Variants in TMEM178B observed in about 807,000 individuals in gnomAD.
The protein encoded by TMEM178B is transmembrane protein 178B.
In TMEM178B, 5 loss-of-function variants were observed where a neutral mutation model predicts 31.0. The observed-to-expected ratio is 0.16, with a 90% CI of 0.08 to 0.34. The LOEUF is 0.34. TMEM178B is among the 10% of genes least tolerant of loss of function. TMEM178B has a pLI of 1.00. For synonymous variants in TMEM178B, 164 were observed against 164.0 expected (o/e 1.00, Z 0.00); for missense variants, 275 against 400.3 (o/e 0.69, Z 2.67).
At chr7:141,188,784 A>G (rs1796652329) in intron 1 of TMEM178B, among the ~76,000 whole-genome samples, 1 of 152,236 alleles carries the variant, frequency 6.6e-6, no homozygotes, top group South Asian at 2.1e-4. Context: ...CAAAAATTAC[A>G]GGCTGCTTTG....
Position 141,279,324 on chromosome 7 carries a change from G to T in TMEM178B, c.496+66620G>T, listed in dbSNP as rs1798316111. On this transcript the variant is annotated intron_variant, in intron 2 of 3. Transcript: ENST00000565468. ...TTTCAGGTGCTTTTCATTTTTCTTTGGTATAAGAATGTTCTTTATTTTATG... is the reference window on the plus strand; with the variant it reads ...TTTCAGGTGCTTTTCATTTTTCTTTTGTATAAGAATGTTCTTTATTTTATG... Among the ~76,000 whole-genome samples, 3 of 152,098 alleles carry T rather than the reference G, an allele frequency of 2.0e-5. No individual in the cohort carries two copies. In the South Asian group the frequency reaches 6.2e-4, roughly 32 times the overall value.
intron 2 of TMEM178B, among the ~76,000 whole-genome samples, chr7:141,395,737 T>G (rs1800626037): frequency 6.6e-6 from 1 of 152,118 alleles, no homozygotes; most frequent in South Asian, 2.1e-4. Context: ...ATGTGCTTAT[T>G]TATACACATA....
At chr7:141,431,961 G>T (rs1801438264) in intron 2 of TMEM178B, among the ~76,000 whole-genome samples, 1 of 152,046 alleles carries the variant, frequency 6.6e-6, no homozygotes, top group Non-Finnish European at 1.5e-5. Context: ...AAGCAATCAG[G>T]ACTTACTCAA....
intron 1 of TMEM178B, among the ~76,000 whole-genome samples, chr7:141,105,315 C>T (rs953915363): frequency 6.6e-6 from 1 of 152,138 alleles, no homozygotes; most frequent in African/African-American, 2.4e-5. Flanking sequence ...CAAGACCAGC[C>T]TGGCCAACGT....
chr7:141,299,721 T>C (rs1019998654), intron 2 of TMEM178B, among the ~76,000 whole-genome samples: 2 of 152,186 alleles, frequency 1.3e-5, no homozygotes, highest in Admixed American at 1.3e-4. Flanking sequence ...CCTAGCCACA[T>C]ACTTATAGGC....
At position 141,318,677 on chromosome 7, in the gene TMEM178B, C is replaced by T. The variant is rs1189982014; in HGVS notation, c.496+105973C>T. On this transcript the variant is annotated intron_variant, in intron 2 of 3. Coordinates refer to ENST00000565468, the MANE Select transcript of TMEM178B (RefSeq NM_001195278.2). This position sits in a 1 kb window ranked among gnomAD's most constrained non-coding sequence, Gnocchi z 4.1. ...TACCAAGACACTTAGAATTTTGCTG[C>T]TTTAAGTCTGTCTGATTCACAGCTC... Among the ~76,000 whole-genome samples, 1 of 152,186 alleles carries T rather than the reference C, an allele frequency of 6.6e-6. No homozygotes were observed.
chr7:141,276,455 T>C (rs1798268181), intron 2 of TMEM178B, among the ~76,000 whole-genome samples: 1 of 152,132 alleles, frequency 6.6e-6, no homozygotes, highest in Non-Finnish European at 1.5e-5. Flanking sequence ...CTTACAGTTA[T>C]GGCAGAAGGG....
intron 1 of TMEM178B, among the ~76,000 whole-genome samples, chr7:141,204,959 C>T (rs1796938507): frequency 6.6e-6 from 1 of 151,936 alleles, no homozygotes; most frequent in Admixed American, 6.6e-5. Context: ...TAGCTAAGAC[C>T]ACAGGTGTGC....
intron 2 of TMEM178B, among the ~76,000 whole-genome samples, chr7:141,310,350 A>G (rs1798887023): frequency 6.6e-6 from 1 of 152,250 alleles, no homozygotes; most frequent in African/African-American, 2.4e-5. Context: ...CATTAGAGAA[A>G]TGCAAATCAA....
intron 2 of TMEM178B, among the ~76,000 whole-genome samples, chr7:141,432,249 G>A (rs942638388): frequency 7.2e-6 from 1 of 138,124 alleles, no homozygotes; most frequent in African/African-American, 2.7e-5. Context: ...CCACCTCCTG[G>A]GTTCAAGCAA....
chr7:141,335,209 G>A (rs1799363439), intron 2 of TMEM178B, among the ~76,000 whole-genome samples: 1 of 152,160 alleles, frequency 6.6e-6, no homozygotes, highest in Admixed American at 6.5e-5. Context: ...GAAGGAACAA[G>A]CAGCACTGTT....
intron 2 of TMEM178B, chr7:141,352,897 T>C (rs1310210197): frequency 2.0e-5 from 3 of 152,186 alleles, no homozygotes; most frequent in East Asian, 1.9e-4. Flanking sequence ...GTTTGTTGAG[T>C]ATCCCAAATG....
At chr7:141,248,183 G>A (rs1460129158) in intron 2 of TMEM178B, among the ~76,000 whole-genome samples, 1 of 152,098 alleles carries the variant, frequency 6.6e-6, no homozygotes, top group Non-Finnish European at 1.5e-5. Context: ...GGCTGAGGTG[G>A]GCAGATAATT....
At chr7:141,139,507 T>A (rs904620291) in intron 1 of TMEM178B, among the ~76,000 whole-genome samples, 1 of 152,032 alleles carries the variant, frequency 6.6e-6, no homozygotes, top group African/African-American at 2.4e-5. Context: ...CATGCCACCA[T>A]GCCTGCCTAA....
chr7:141,257,796 C>A (rs2116353465), intron 2 of TMEM178B, among the ~76,000 whole-genome samples: 1 of 151,658 alleles, frequency 6.6e-6, no homozygotes, highest in Admixed American at 6.6e-5. Context: ...CAGTCTCTGC[C>A]TTTTGATTGG....
intron 2 of TMEM178B, among the ~76,000 whole-genome samples, chr7:141,286,449 C>A (rs550711184): frequency 1.3e-5 from 2 of 152,296 alleles, no homozygotes; most frequent in East Asian, 3.9e-4. Context: ...CCATGTGAAA[C>A]CTCTTTCTTT....
At chr7:141,295,498 A>T (rs1296216117) in intron 2 of TMEM178B, among the ~76,000 whole-genome samples, 1 of 152,142 alleles carries the variant, frequency 6.6e-6, no homozygotes, top group African/African-American at 2.4e-5. Context: ...CTTATGAGGT[A>T]TCCTTATTCA....
At chr7:141,291,775 ATCT>A (rs1298588047) in intron 2 of TMEM178B, among the ~76,000 whole-genome samples, 1 of 152,116 alleles carries the variant, frequency 6.6e-6, no homozygotes, top group African/African-American at 2.4e-5. Flanking sequence ...AGAAATTTTC[ATCT>A]TCTTACAATG....
intron 2 of TMEM178B, among the ~76,000 whole-genome samples, chr7:141,359,786 A>G (rs1336104982): frequency 6.6e-6 from 1 of 152,240 alleles, no homozygotes; most frequent in Admixed American, 6.5e-5. Context: ...TGATAAAGAC[A>G]TACCAGAAAC....
Sources: gnomAD v4.1 joint callset for allele counts (sites outside exome capture counted in the v4.1 genomes callset) on GRCh38, gnomAD v4.1.1 for gene constraint, Gnocchi (gnomAD v3.1) non-coding constraint, MANE v1.5 for transcripts, NCBI Gene and HGNC (gene_info 2026-07-23, HGNC 2026-07-21) for gene names.